ZNF44: variants seen among roughly 807,000 people sequenced by gnomAD.
ZNF44 encodes gonadotropin inducible transcription repressor-2.
ZNF44 carries 9 observed loss-of-function variants against 11.7 expected under a neutral mutation model. That is an observed-to-expected ratio of 0.77 (90% confidence interval 0.46 to 1.35). The LOEUF (loss-of-function observed/expected upper bound fraction) is 1.35. ZNF44 is among the 40% of genes most tolerant of loss of function. The pLI is 0.00. For missense variants in ZNF44, 696 were observed against 743.1 expected (o/e 0.94, Z 0.74); for synonymous variants, 224 against 242.7 (o/e 0.92, Z 0.72).
intron 1 of ZNF44, 25 bp from the exon 2 acceptor site, chr19:12,276,107 A>C (rs773996615): frequency 6.3e-7 from 1 of 1,592,134 alleles, no homozygotes; most frequent in Non-Finnish European, 8.6e-7. Flanking sequence ...ATGTCCAGAA[A>C]AGGAAGGTTG....
At chr19:12,281,199 C>T (rs1967462277) in intron 1 of ZNF44, among the ~76,000 whole-genome samples, 1 of 152,062 alleles carries the variant, frequency 6.6e-6, no homozygotes, top group Non-Finnish European at 1.5e-5. Context: ...ATATTCTCAG[C>T]CATAAAACAC....
At chr19:12,268,176 ACACAC>A (rs1210331835), downstream of ZNF44, among the ~76,000 whole-genome samples, 3 of 141,942 alleles carry the variant, frequency 2.1e-5, no homozygotes, top group Non-Finnish European at 3.1e-5. Context: ...ACACACACAC[ACACAC>A]AAGCTCCTTC....
chr19:12,293,736 G>A (rs951823009), intron 1 of ZNF44, among the ~76,000 whole-genome samples: 3 of 152,110 alleles, frequency 2.0e-5, no homozygotes, highest in Non-Finnish European at 4.4e-5. Flanking sequence ...AGGATGAAGG[G>A]ACAGGTCTCA....
At position 12,294,768 on chromosome 19, in the gene ZNF44, C is replaced by T. The variant is rs114083791; in HGVS notation, c.-74G>A. ...TAGGTCCCAGCGCGACAAAAGCCAC[C>T]ACAGATGTCCCAGGGCGTCTCTCAG... On this transcript the variant is annotated 5_prime_UTR_variant, in exon 1 of 4. Coordinates refer to ENST00000355684, the MANE Select transcript of ZNF44 (RefSeq NM_016264.4). The T allele has an allele frequency of 5.9e-3, 8,918 of 1,515,086 alleles. 429 individuals are homozygous for T. In the African/African-American group the frequency reaches 0.11, roughly 18 times the overall value. 93.9% of individuals were successfully genotyped at this position (1,515,086 alleles called of 1,614,324 possible). A position where few individuals can be genotyped will look rare whatever the true frequency, so the allele number is the denominator to read the frequency against.
intron 5 of ZNF44, among the ~76,000 whole-genome samples, chr19:12,262,867 C>G (rs1917569528): frequency 1.3e-5 from 2 of 152,090 alleles, no homozygotes; most frequent in African/African-American, 4.8e-5. Flanking sequence ...CCACAATAAA[C>G]AGAAAAAGGA....
upstream of ZNF44, among the ~76,000 whole-genome samples, chr19:12,239,568 A>ATTTTTTT: frequency 2.6e-5 from 2 of 76,052 alleles, no homozygotes; most frequent in Non-Finnish European, 5.6e-5. Context: ...CCCAAGTTGC[A>ATTTTTTT]TTTTTTTTTT....
intron 1 of ZNF44, chr19:12,285,044 C>T: frequency 1.4e-6 from 1 of 692,324 alleles, no homozygotes; most frequent in South Asian, 1.6e-5. Context: ...TCTCTAAGAC[C>T]TACAGCTACC....
rs116046142 is a variant in ZNF44 at position 12,293,458 on chromosome 19, A to C, written c.3+1234T>G. 5.6e-4 allele frequency: 743 copies of C among 1,336,078 alleles called. 6 individuals are homozygous for C. In the African/African-American group the frequency reaches 1.0e-2, roughly 18 times the overall value. The allele number at this position is 1,336,078 out of a possible 1,614,324, so 82.8% of individuals were successfully genotyped here. A position where few individuals can be genotyped will look rare whatever the true frequency, so the allele number is the denominator to read the frequency against. On this transcript the variant is annotated intron_variant, in intron 1 of 3. Transcript: ENST00000355684. ...AGGCATCTGTGCCTAGGGGAGATAA[A>C]AGAGGCACAAAGGTTTGGTTTTTTT...
At chr19:12,242,177 TACA>T (rs1234453003), upstream of ZNF44, among the ~76,000 whole-genome samples, 1 of 152,102 alleles carries the variant, frequency 6.6e-6, no homozygotes, top group African/African-American at 2.4e-5. Flanking sequence ...ATGGCATACT[TACA>T]ATGGTAAATT....
intron 5 of ZNF44, chr19:12,250,686 A>T (rs1916955265): frequency 7.0e-6 from 3 of 427,500 alleles, no homozygotes; most frequent in South Asian, 1.7e-5. Flanking sequence ...AGAAAAACTC[A>T]TCTTCTTCTT....
intron 1 of ZNF44, among the ~76,000 whole-genome samples, chr19:12,282,042 T>C (rs936361925): frequency 3.4e-4 from 52 of 152,162 alleles, no homozygotes; most frequent in African/African-American, 1.2e-3. Context: ...AGGCCAACAT[T>C]GCCCTAACAC....
chr19:12,253,324 G>A (rs1917103499), intron 5 of ZNF44, among the ~76,000 whole-genome samples: 1 of 151,578 alleles, frequency 6.6e-6, no homozygotes, highest in South Asian at 2.1e-4. Flanking sequence ...TGAGTAGCTG[G>A]GATTACAGGC....
intron 3 of ZNF44, among the ~76,000 whole-genome samples, chr19:12,228,149 TTAA>T: frequency 9.5e-6 from 1 of 105,670 alleles, no homozygotes; most frequent in African/African-American, 4.7e-5. Flanking sequence ...CAAAACGTGC[TTAA>T]ACCTTCAAAA....
At chr19:12,239,740 A>G (rs1916547187), upstream of ZNF44, among the ~76,000 whole-genome samples, 1 of 151,260 alleles carries the variant, frequency 6.6e-6, no homozygotes, top group Non-Finnish European at 1.5e-5. Context: ...CACGCAGCTA[A>G]TTTTTGTATT....
chr19:12,288,910 T>C (rs1967885794), intron 1 of ZNF44, among the ~76,000 whole-genome samples: 1 of 150,726 alleles, frequency 6.6e-6, no homozygotes, highest in Admixed American at 6.6e-5. Context: ...CTCCCGCCTT[T>C]TTAACCTGTA....
downstream of ZNF44, among the ~76,000 whole-genome samples, chr19:12,269,326 C>T (rs1338351543): frequency 6.6e-6 from 1 of 152,102 alleles, no homozygotes; most frequent in Non-Finnish European, 1.5e-5. Flanking sequence ...AGATTGAGAC[C>T]ATCCTGGCTA....
At chr19:12,288,742 A>G (rs1310822081) in intron 1 of ZNF44, among the ~76,000 whole-genome samples, 2 of 138,172 alleles carry the variant, frequency 1.4e-5, no homozygotes, top group Admixed American at 1.5e-4. Flanking sequence ...TGGGACAAAG[A>G]GTGAGACTCC....
rs866468010 is a variant in ZNF44 at position 12,287,065 on chromosome 19, T to C, written c.3+7627A>G. 7.7e-4 allele frequency among the ~76,000 whole-genome samples: 108 copies of C among 139,388 alleles called. 1 individual carries two copies. Among genetic ancestry groups the C allele is most frequent in the Admixed American group, 8.1e-4 (11 of 13,538 alleles). 91.4% of individuals were successfully genotyped at this position (139,388 alleles called of 152,430 possible). A position where few individuals can be genotyped will look rare whatever the true frequency, so the allele number is the denominator to read the frequency against. ...CACACACGTATAATATATATATATA[T>C]ACACATATATGTATAAATTATATAT... is the stretch of plus-strand genomic sequence containing the variant. On this transcript the variant is annotated intron_variant, in intron 1 of 3. Transcript: ENST00000355684.
In ZNF44 at chr19:12,272,720, G is replaced by A. The variant is rs761171036; in HGVS notation, c.1535C>T (p.Ala512Val). The A allele has an allele frequency of 6.2e-7, 1 of 1,613,578 alleles. No homozygotes were observed. The highest frequency in any genetic ancestry group is 8.5e-7 in the Non-Finnish European group (1 of 1,179,592). ...TTTTAAGTAACTGAAACGACTGAAG[G>A]CTTTGCCACAAATTTGACACTCATA... is the stretch of plus-strand genomic sequence containing the variant. ...KSYECQICGK[A>V]FSRFSYLKTH... Residue 512 changes from alanine (A) to valine (V), a missense_variant, in exon 4 of 4, where the codon GCC becomes GTC. By Grantham distance (64) the Ala-to-Val change is moderately conservative. Transcript: ENST00000355684.
Sources: gnomAD v4.1 joint callset for allele counts (sites outside exome capture counted in the v4.1 genomes callset) on GRCh38, gnomAD v4.1.1 for gene constraint, MANE v1.5 for transcripts, NCBI Gene and HGNC (gene_info 2026-07-23, HGNC 2026-07-21) for gene names.